DNAH10: variants seen among roughly 807,000 people sequenced by gnomAD.
DNAH10 encodes dynein axonemal heavy chain 10.
In DNAH10, 348 loss-of-function variants were observed where a neutral mutation model predicts 506.6. The ratio of observed to expected loss-of-function variants is 0.69; its 90% CI spans 0.63 to 0.75. The LOEUF (loss-of-function observed/expected upper bound fraction) is 0.75. DNAH10 is among the 30% of genes least tolerant of loss of function. DNAH10 has a pLI of 0.00. For missense variants in DNAH10, 5,179 were observed against 5,787.1 expected (o/e 0.89, Z 3.41); for synonymous variants, 2,059 against 2,198.6 (o/e 0.94, Z 1.78).
At chr12:123,905,555 T>C (rs1211921295) in intron 57 of DNAH10, among the ~76,000 whole-genome samples, 1 of 152,196 alleles carries the variant, frequency 6.6e-6, no homozygotes, top group Non-Finnish European at 1.5e-5. Context: ...TGTTGGGATT[T>C]TTGCATATTT....
At chr12:123,767,406 C>T (rs1279892312) in intron 1 of DNAH10, among the ~76,000 whole-genome samples, 200 bp from the exon 2 acceptor site, 1 of 152,152 alleles carries the variant, frequency 6.6e-6, no homozygotes, top group Non-Finnish European at 1.5e-5. Flanking sequence ...CGTCTCTTGG[C>T]AGAATTTGCA....
rs1165204188 is a variant in DNAH10 at position 123,877,907 on chromosome 12, C to T, written c.8371C>T (p.Arg2791Ter). ...TGGTCTTGTCCTCACTAACCCGGAGCGGTGAGTTTGATTTATCTTACTAAA... is the reference window on the plus strand; with the variant it reads ...TGGTCTTGTCCTCACTAACCCGGAGTGGTGAGTTTGATTTATCTTACTAAA... ...FNGLVLTNPE[R>*]FQTVAQMVRV... Residue 2791 changes from arginine (R) to a stop codon, truncating the protein, a stop_gained and splice_region_variant, in exon 48 of 79, where the codon CGA becomes TGA. Transcript: ENST00000673944. LOFTEE classifies it high-confidence loss of function. 9.9e-6 allele frequency: 16 copies of T among 1,612,800 alleles called. No homozygotes were observed. The highest frequency in any genetic ancestry group is 6.7e-5 in the Admixed American group (4 of 59,760).
At position 123,783,938 on chromosome 12, in the gene DNAH10, A is replaced by G; in HGVS notation, c.1000-9A>G. 1.2e-6 allele frequency: 2 copies of G among 1,612,786 alleles called. No individual in the cohort carries two copies. Among genetic ancestry groups the G allele is most frequent in the Non-Finnish European group, 1.7e-6 (2 of 1,178,880 alleles). Reference sequence around the variant, plus strand: ...TGAGAGTTCTTTGTGTGTTCATTTCACCTCTCAGGGTAAAGGCCCTCTGGC... The same window carrying G: ...TGAGAGTTCTTTGTGTGTTCATTTCGCCTCTCAGGGTAAAGGCCCTCTGGC... On this transcript the variant is annotated splice_polypyrimidine_tract_variant and intron_variant, in intron 7 of 78. Coordinates refer to ENST00000673944, the MANE Select transcript of DNAH10 (RefSeq NM_001372106.1).
intron 72 of DNAH10, 157 bp downstream of exon 72, chr12:123,929,916 T>C: frequency 2.9e-6 from 2 of 679,670 alleles, no homozygotes. Flanking sequence ...ACCTGGTTGT[T>C]CTTTGTCCTA....
chr12:123,935,276 G>A, intron 78 of DNAH10, 59 bp from the exon 79 acceptor site: 1 of 1,576,228 alleles, frequency 6.3e-7, no homozygotes, highest in South Asian at 1.1e-5. Flanking sequence ...CTGCACCTCT[G>A]CCTTTATCCC....
intron 77 of DNAH10, 129 bp from the exon 78 acceptor site, chr12:123,934,492 C>A (rs756830258): frequency 8.9e-7 from 1 of 1,127,700 alleles, no homozygotes; most frequent in Non-Finnish European, 1.3e-6. Flanking sequence ...AGGGCCTGGG[C>A]TGTCCCCAAT....
At chr12:123,833,038 A>T (rs777948209) in intron 26 of DNAH10, 76 bp from the exon 27 acceptor site, 5 of 1,106,408 alleles carry the variant, frequency 4.5e-6, no homozygotes, top group Non-Finnish European at 6.7e-6. Flanking sequence ...AAGCAAGCTA[A>T]GGAAGGTGTT....
At position 123,919,333 on chromosome 12, in the gene DNAH10, C is replaced by T. The variant is rs969188249; in HGVS notation, c.11506+384C>T. Among the ~76,000 whole-genome samples the T allele has an allele frequency of 6.6e-6, 1 of 152,176 alleles. No individual in the cohort carries two copies. Among genetic ancestry groups the T allele is most frequent in the Non-Finnish European group, 1.5e-5 (1 of 68,036 alleles). ...CAAACGATCCACCCACCTTGGCCTC[C>T]TGAAGTGCTGGGATTACGAGGTGTG... On this transcript the variant is annotated intron_variant, in intron 65 of 78. Transcript: ENST00000673944. This position sits in a 1 kb window ranked among gnomAD's most constrained non-coding sequence, Gnocchi z 4.9.
At chr12:123,859,573 G>A (rs1416863902) in intron 38 of DNAH10, among the ~76,000 whole-genome samples, 1 of 152,058 alleles carries the variant, frequency 6.6e-6, no homozygotes, top group African/African-American at 2.4e-5. Context: ...AGTTTCTTGG[G>A]GTCCAAATTG....
At chr12:123,879,407 A>T in intron 49 of DNAH10, 50 bp downstream of exon 49, 1 of 1,543,412 alleles carries the variant, frequency 6.5e-7, no homozygotes, top group Admixed American at 2.0e-5. Context: ...AGGAAAATAA[A>T]CAAGCGCCAA....
rs1434322905 is a variant in DNAH10 at position 123,932,087 on chromosome 12, G to T, written c.13275G>T (p.Arg4425=). 6.2e-7 allele frequency: 1 copy of T among 1,613,694 alleles called. No homozygotes were observed. Among genetic ancestry groups the T allele is most frequent in the Non-Finnish European group, 8.5e-7 (1 of 1,179,900 alleles). The change falls in exon 76 of 79, where the codon CGG becomes CGT. Residue 4425 remains arginine (R), a synonymous_variant. Transcript: ENST00000673944. ...ACTGGATGGTCTACTTCCTGCGGCG[G>T]TTCAGCCAGTACATGTTGTGGGTAA... ...LGNWMVYFLR[R]FSQYMLWVTE... is the part of the protein sequence containing the mutation.
In DNAH10 at chr12:123,915,000, G is replaced by T; in HGVS notation, c.10722+1G>T. The T allele has an allele frequency of 6.2e-7, 1 of 1,604,064 alleles. No homozygotes were observed. Among genetic ancestry groups the T allele is most frequent in the Non-Finnish European group, 8.5e-7 (1 of 1,175,538 alleles). On this transcript the variant is annotated splice_donor_variant, in intron 62 of 78. Transcript: ENST00000673944. LOFTEE classifies it high-confidence loss of function. ...AAAAGAGGAGAAGAACAATCTGCGG[G>T]TATGGTGGCTCCTCCCAGGGCGTCT...
intron 2 of DNAH10, 55 bp downstream of exon 2, chr12:123,767,744 C>CACCCTACTCCCGCTGCGG: frequency 6.7e-7 from 1 of 1,491,660 alleles, no homozygotes; most frequent in Non-Finnish European, 9.2e-7. Context: ...CCCCCCGCAG[C>CACCCTACTCCCGCTGCGG]GGGAGTAGGG....
chr12:123,787,699 G>A lies in DNAH10; in HGVS notation c.1422-105G>A, dbSNP rs1345515552. On this transcript the variant is annotated intron_variant, in intron 9 of 78. Coordinates refer to ENST00000673944, the MANE Select transcript of DNAH10 (RefSeq NM_001372106.1). The surrounding 1 kb of genome is among the most constrained non-coding windows in gnomAD (Gnocchi z 4.6). ...CGATGAGGCCGTGAAACCAGGGGGG[G>A]CGCCCGGGTCAGAGCTTCACGGGAC... The A allele has an allele frequency of 2.9e-6, 4 of 1,376,172 alleles. No individual in the cohort carries two copies. In the African/African-American group the frequency reaches 4.4e-5, roughly 15 times the overall value. The allele number at this position is 1,376,172 out of a possible 1,614,324, so 85.2% of individuals were successfully genotyped here.
At position 123,867,660 on chromosome 12, in the gene DNAH10, G is replaced by A. The variant is rs572619064; in HGVS notation, c.7302+59G>A. The stretch of plus-strand genomic sequence containing the variant: ...ATTCTTTCCTAAAGACAAGCTCACG[G>A]TAGGGTTTTAAAGGGAGTGAAGATG... On this transcript the variant is annotated intron_variant, in intron 42 of 78. Transcript: ENST00000673944. The A allele has an allele frequency of 5.1e-5, 82 of 1,603,876 alleles. 1 individual carries two copies. Among genetic ancestry groups the A allele is most frequent in the Middle Eastern group, 5.0e-4 (3 of 6,020 alleles).
At chr12:123,862,728 C>G (rs112866072) in intron 39 of DNAH10, among the ~76,000 whole-genome samples, 2,487 of 152,160 alleles carry the variant, frequency 0.016, 66 homozygotes, top group African/African-American at 0.056. Context: ...TGGAGACTTT[C>G]TATAGGGACA....
Position 123,893,290 on chromosome 12 carries a change from G to A in DNAH10, c.9053G>A (p.Gly3018Glu). The change falls in exon 53 of 79, where the codon GGA (glycine) becomes GAA (glutamate). Residue 3018 changes from glycine (G) to glutamate (E), a missense_variant. Physicochemically the swap from Gly to Glu is moderately conservative, Grantham distance 98 (BLOSUM62 -2). Coordinates refer to ENST00000673944, the MANE Select transcript of DNAH10 (RefSeq NM_001372106.1). ...AAAGAGTCTATCCTGAGTCAGATTG[G>A]ACAGGAAGCTCTGAAGCAAGGCATG... is the stretch of plus-strand genomic sequence containing the variant. ...EEKESILSQIGQEALKQGMGP... is the reference protein window; with the variant it reads ...EEKESILSQIEQEALKQGMGP... 1 of 1,614,050 alleles carries A rather than the reference G, an allele frequency of 6.2e-7. No individual in the cohort carries two copies. The highest frequency in any genetic ancestry group is 1.1e-5 in the South Asian group (1 of 91,084).
chr12:123,787,666 G>A lies in DNAH10; in HGVS notation c.1422-138G>A, dbSNP rs905726403. ...GACAGGGCAGCCGCTTGCCCGCTCTGCCTTTTCCGATGAGGCCGTGAAACC... is the reference window on the plus strand; with the variant it reads ...GACAGGGCAGCCGCTTGCCCGCTCTACCTTTTCCGATGAGGCCGTGAAACC... On this transcript the variant is annotated intron_variant, in intron 9 of 78. Transcript: ENST00000673944. This position sits in a 1 kb window ranked among gnomAD's most constrained non-coding sequence, Gnocchi z 4.6. 3.0e-5 allele frequency: 31 copies of A among 1,019,882 alleles called. No individual in the cohort carries two copies. The Middle Eastern group carries it at 2.2e-3, about 71-fold the overall frequency. 63.2% of individuals were successfully genotyped at this position (1,019,882 alleles called of 1,614,324 possible). A position where few individuals can be genotyped will look rare whatever the true frequency, so the allele number is the denominator to read the frequency against.
rs138511101 is a variant in DNAH10, at chr12:123,831,337, C to T, written c.4545+638C>T. On this transcript the variant is annotated intron_variant, in intron 26 of 78. Coordinates refer to ENST00000673944, the MANE Select transcript of DNAH10 (RefSeq NM_001372106.1). ...ATGCATTTGTATGCACTAACATACA[C>T]GTACACAGGTACACACATACACATA... 3.0e-3 allele frequency among the ~76,000 whole-genome samples: 454 copies of T among 152,284 alleles called. 2 individuals carry two copies. The highest frequency in any genetic ancestry group is 0.01 in the African/African-American group (431 of 41,532).
Sources: gnomAD v4.1 joint callset for allele counts (sites outside exome capture counted in the v4.1 genomes callset) on GRCh38, gnomAD v4.1.1 for gene constraint, Gnocchi (gnomAD v3.1) non-coding constraint, MANE v1.5 for transcripts, NCBI Gene and HGNC (gene_info 2026-07-23, HGNC 2026-07-21) for gene names.